CELF2: variants seen among roughly 807,000 people sequenced by gnomAD.
CELF2 encodes CUGBP Elav-like family member 2.
A neutral mutation model predicts 62.6 loss-of-function variants in CELF2; 8 were observed. That is an observed-to-expected ratio of 0.13 (90% CI 0.07 to 0.23). The LOEUF is 0.23. Among genes scored for constraint, CELF2 ranks in the 10% least tolerant of loss-of-function variants. CELF2 has a pLI of 1.00. For synonymous variants in CELF2, 258 were observed against 250.0 expected (o/e 1.03, Z -0.30); for missense variants, 333 against 671.0 (o/e 0.50, Z 5.56).
chr10:10,566,642 C>G, the CELF2 span, among the ~76,000 whole-genome samples: 2 of 144,736 alleles, frequency 1.4e-5, no homozygotes, highest in Non-Finnish European at 3.0e-5. Flanking sequence ...TTGTTCAATT[C>G]CCACCTATGA....
At chr10:10,583,479 A>C in the CELF2 span, among the ~76,000 whole-genome samples, 1 of 152,056 alleles carries the variant, frequency 6.6e-6, no homozygotes, top group African/African-American at 2.4e-5. Flanking sequence ...AAGCTTCAAA[A>C]CCATTTTAAT....
intron 2 of CELF2, among the ~76,000 whole-genome samples, chr10:11,170,417 A>G (rs760592858): frequency 1.3e-5 from 2 of 152,206 alleles, no homozygotes; most frequent in Non-Finnish European, 2.9e-5. Context: ...AATTGAATGG[A>G]AAGAGTGGTA....
the CELF2 span, among the ~76,000 whole-genome samples, chr10:10,722,155 G>C: frequency 6.6e-6 from 1 of 151,706 alleles, no homozygotes; most frequent in Admixed American, 6.6e-5. Flanking sequence ...AAAAATAAAA[G>C]AGCCAGGCCT....
intron 1 of CELF2, among the ~76,000 whole-genome samples, chr10:11,019,524 TTA>T (rs1322255326): frequency 1.3e-5 from 2 of 152,168 alleles, no homozygotes; most frequent in Non-Finnish European, 2.9e-5. Context: ...ATGTTAAGTG[TTA>T]TGAGTTAAGA....
intron 1 of CELF2, among the ~76,000 whole-genome samples, chr10:11,152,422 A>G (rs1033379115): frequency 3.9e-5 from 6 of 152,316 alleles, no homozygotes; most frequent in East Asian, 1.9e-4. Flanking sequence ...ATAAAAAAAA[A>G]AAATCTGGTG....
chr10:11,017,623 G>T (rs974892864), upstream of CELF2, among the ~76,000 whole-genome samples: 3 of 152,158 alleles, frequency 2.0e-5, no homozygotes, highest in African/African-American at 7.2e-5. The surrounding 1 kb of genome is among the most constrained non-coding windows in gnomAD (Gnocchi z 5.5). Context: ...GCGCCTGGGT[G>T]GCCCTAAACC....
chr10:10,762,668 T>C, the CELF2 span, among the ~76,000 whole-genome samples: 91 of 152,292 alleles, frequency 6.0e-4, no homozygotes, highest in Non-Finnish European at 1.3e-3. Context: ...CCAATATCTA[T>C]GCCAGTGGGC....
At chr10:10,563,054 G>A in the CELF2 span, among the ~76,000 whole-genome samples, 1 of 152,112 alleles carries the variant, frequency 6.6e-6, no homozygotes, top group East Asian at 1.9e-4. Flanking sequence ...TGGTTGCCAT[G>A]TAAATGTTCA....
At chr10:11,106,609 A>T (rs1244559103) in intron 1 of CELF2, among the ~76,000 whole-genome samples, 2 of 152,246 alleles carry the variant, frequency 1.3e-5, no homozygotes, top group Non-Finnish European at 2.9e-5. Flanking sequence ...CGAAATGGGG[A>T]CAAGGACCCA....
At chr10:10,882,315 G>T (rs374321353) in intron 1 of CELF2, among the ~76,000 whole-genome samples, 19 of 152,210 alleles carry the variant, frequency 1.2e-4, no homozygotes, top group African/African-American at 4.6e-4. Flanking sequence ...TGAATCCCCG[G>T]AGTGGCCTCC....
At chr10:11,299,566 G>A (rs17150091) in intron 9 of CELF2, among the ~76,000 whole-genome samples, 8,481 of 152,122 alleles carry the variant, frequency 0.056, 309 homozygotes, top group Middle Eastern at 0.11. Flanking sequence ...TCAGAGGCCC[G>A]AGCCCGGTCC....
At chr10:11,054,056 G>C (rs1198084721) in intron 1 of CELF2, among the ~76,000 whole-genome samples, 1 of 152,202 alleles carries the variant, frequency 6.6e-6, no homozygotes, top group East Asian at 1.9e-4. Flanking sequence ...GAATTTTGAT[G>C]TATAATTTCC....
At position 11,335,635 on chromosome 10, in the gene CELF2, T is replaced by C. The variant is rs1009276808; in HGVS notation, c.*6582T>C. The C allele has an allele frequency of 9.2e-5, 14 of 152,158 alleles. No individual in the cohort carries two copies. Among genetic ancestry groups the C allele is most frequent in the Non-Finnish European group, 2.1e-4 (14 of 68,026 alleles). 9.4% of individuals were successfully genotyped at this position (152,158 alleles called of 1,614,324 possible). A position where few individuals can be genotyped will look rare whatever the true frequency, so the allele number is the denominator to read the frequency against. Reference sequence around the variant, plus strand: ...TCTGCTTTCAGTCTCCTCATAGCCTTCGGCAGTCTCCTCTGAAAACACACT... The same window carrying C: ...TCTGCTTTCAGTCTCCTCATAGCCTCCGGCAGTCTCCTCTGAAAACACACT... On this transcript the variant is annotated 3_prime_UTR_variant, in exon 13 of 13. Transcript: ENST00000633077. The surrounding 1 kb of genome is among the most constrained non-coding windows in gnomAD (Gnocchi z 5.0).
At chr10:11,197,922 C>G (rs1192737052) in intron 2 of CELF2, among the ~76,000 whole-genome samples, 2 of 152,188 alleles carry the variant, frequency 1.3e-5, no homozygotes, top group Non-Finnish European at 2.9e-5. Flanking sequence ...TTTGTGGCAG[C>G]TTCAAGGCAG....
chr10:10,952,945 G>T (rs1186197769), intron 2 of CELF2, among the ~76,000 whole-genome samples: 1 of 152,176 alleles, frequency 6.6e-6, no homozygotes, highest in Non-Finnish European at 1.5e-5. Flanking sequence ...AGGTTTGCTT[G>T]TAGTAAAAGA....
At chr10:11,135,267 T>A (rs2060251995) in intron 1 of CELF2, among the ~76,000 whole-genome samples, 2 of 152,236 alleles carry the variant, frequency 1.3e-5, no homozygotes, top group Non-Finnish European at 2.9e-5. Context: ...GTACTTGTTT[T>A]AAAATAATTT....
chr10:10,784,117 T>C, the CELF2 span, among the ~76,000 whole-genome samples: 1 of 152,230 alleles, frequency 6.6e-6, no homozygotes, highest in South Asian at 2.1e-4. Context: ...CCCATCTCAC[T>C]GAAATGGGAG....
chr10:10,731,809 T>C, the CELF2 span, among the ~76,000 whole-genome samples: 1 of 152,210 alleles, frequency 6.6e-6, no homozygotes, highest in East Asian at 1.9e-4. Context: ...CAGTTTGAGA[T>C]TGAGAGGGTC....
intron 2 of CELF2, among the ~76,000 whole-genome samples, chr10:10,949,388 A>T (rs1456991438): frequency 1.3e-5 from 2 of 152,120 alleles, no homozygotes; most frequent in African/African-American, 4.8e-5. Context: ...ACCACTGTGG[A>T]TAAGAGAGAT....
Sources: allele counts gnomAD v4.1 joint callset (sites outside exome capture counted in the v4.1 genomes callset), GRCh38; gene constraint gnomAD v4.1.1; non-coding constraint Gnocchi (gnomAD v3.1); transcripts MANE v1.5; gene names NCBI Gene and HGNC (gene_info 2026-07-23, HGNC 2026-07-21).